Variants in ADPRHL1 observed in about 807,000 individuals in gnomAD.
The protein encoded by ADPRHL1 is ADP-ribosylhydrolase like 1.
Under a neutral mutation model 44.1 loss-of-function variants are expected in ADPRHL1, and 43 were observed. The observed-to-expected ratio is 0.98, with a 90% CI of 0.76 to 1.26. ADPRHL1 has a LOEUF of 1.26. Ranked by LOEUF, ADPRHL1 falls within the 50% of genes most tolerant of loss-of-function variation. ADPRHL1 has a pLI of 0.00. For missense variants in ADPRHL1, 2,022 were observed against 2,496.9 expected, an observed-to-expected ratio of 0.81 and a Z score of 4.05; for synonymous variants, 878 against 1,017.4, an observed-to-expected ratio of 0.86 and a Z score of 2.61.
intron 1 of ADPRHL1, among the ~76,000 whole-genome samples, chr13:113,452,194 C>T (rs1272834509): frequency 6.6e-6 from 1 of 152,188 alleles, no homozygotes; most frequent in Non-Finnish European, 1.5e-5. Flanking sequence ...TAAGGGCACA[C>T]GAGTGGCCGC....
At chr13:113,450,933 C>T (rs927234662) in intron 1 of ADPRHL1, among the ~76,000 whole-genome samples, 8 of 148,520 alleles carry the variant, frequency 5.4e-5, no homozygotes, top group African/African-American at 7.7e-5. Context: ...CTTCTCTAAA[C>T]TCCCCTGGGG....
At chr13:113,452,234 C>T (rs925116748) in intron 1 of ADPRHL1, among the ~76,000 whole-genome samples, 8 of 152,164 alleles carry the variant, frequency 5.3e-5, no homozygotes, top group African/African-American at 1.4e-4. Flanking sequence ...AGCTCCTGGA[C>T]GCCAAGGCTG....
intron 7 of ADPRHL1, among the ~76,000 whole-genome samples, chr13:113,420,406 G>A (rs776311159): frequency 1.3e-5 from 2 of 149,398 alleles, no homozygotes; most frequent in East Asian, 1.9e-4. Context: ...ATGCAGCCGC[G>A]CCCTGCTCAT....
intron 2 of ADPRHL1, among the ~76,000 whole-genome samples, chr13:113,434,847 G>A (rs375109039): frequency 6.4e-5 from 5 of 78,522 alleles, no homozygotes; most frequent in African/African-American, 1.1e-4. Context: ...CCCGGGACCC[G>A]GCACCCAGGT....
chr13:113,439,212 T>C (rs2044081037), intron 2 of ADPRHL1, among the ~76,000 whole-genome samples: 1 of 151,790 alleles, frequency 6.6e-6, no homozygotes, highest in Non-Finnish European at 1.5e-5. Context: ...AACCTCCGCC[T>C]CCCGGGTTCA....
chr13:113,433,623 T>C (rs887650954), intron 3 of ADPRHL1, 119 bp downstream of exon 3: 1 of 1,467,456 alleles, frequency 6.8e-7, no homozygotes, highest in South Asian at 1.3e-5. Context: ...TAAGCAGACG[T>C]GCAGATGGCG....
Position 113,441,805 on chromosome 13 carries a change from C to T in ADPRHL1, c.379+2620G>A, listed in dbSNP as rs1259381474. Among the ~76,000 whole-genome samples, 1 of 151,490 alleles carries T rather than the reference C, an allele frequency of 6.6e-6. No homozygotes were observed. The highest frequency in any genetic ancestry group is 1.5e-5 in the Non-Finnish European group (1 of 67,818). Reference sequence around the variant, plus strand: ...GGGTCTGTGTCTCTATCACGCTTTACTCCACCACACGGGTCCGTGTCTCTG... The same window carrying T: ...GGGTCTGTGTCTCTATCACGCTTTATTCCACCACACGGGTCCGTGTCTCTG... On this transcript the variant is annotated intron_variant, in intron 2 of 7. Coordinates refer to ENST00000612156, the MANE Select transcript of ADPRHL1 (RefSeq NM_001394807.1). This position sits in a 1 kb window ranked among gnomAD's most constrained non-coding sequence, Gnocchi z 6.0.
chr13:113,404,868 G>A lies in ADPRHL1; in HGVS notation c.4414C>T (p.Pro1472Ser). 8.0e-7 allele frequency: 1 copy of A among 1,247,276 alleles called. No individual in the cohort carries two copies. The highest frequency in any genetic ancestry group is 1.0e-6 in the Non-Finnish European group (1 of 998,192). 77.3% of individuals were successfully genotyped at this position (1,247,276 alleles called of 1,614,324 possible). ...CCCGGCCCCTCGGGCTCCCCTGGAG[G>A]CACAGCTGGGTTCCTGGCAGCCCTG... ...GTRAARNPAV[P>S]PGEPEGPGSP... Residue 1472 changes from proline (P) to serine (S), a missense_variant, in exon 8 of 8, where the codon CCT becomes TCT. Physicochemically the swap from Pro to Ser is moderately conservative, Grantham distance 74 (BLOSUM62 -1). Around this residue, in one of 8 missense-constraint regions of ADPRHL1, gnomAD observed 1,221 missense variants for 1,517.8 expected, o/e 0.80. Transcript: ENST00000612156.
At chr13:113,442,409 C>G (rs531544139) in intron 2 of ADPRHL1, among the ~76,000 whole-genome samples, 3 of 152,220 alleles carry the variant, frequency 2.0e-5, no homozygotes, top group African/African-American at 7.2e-5. Flanking sequence ...AAGTGGCACC[C>G]GTATCTGTGC....
rs1282698326 is a variant in ADPRHL1 at position 113,400,193 on chromosome 13, T to G, written c.*3185A>C. 1 of 147,814 alleles carries G rather than the reference T, an allele frequency of 6.8e-6. No individual in the cohort carries two copies. Among genetic ancestry groups the G allele is most frequent in the African/African-American group, 2.5e-5 (1 of 40,074 alleles). The allele number at this position is 147,814 out of a possible 1,614,324, so 9.2% of individuals were successfully genotyped here. A position where few individuals can be genotyped will look rare whatever the true frequency, so the allele number is the denominator to read the frequency against. On this transcript the variant is annotated 3_prime_UTR_variant, in exon 8 of 8. Transcript: ENST00000612156. ...CGGAGTCTCGCTCTGTCACCCAGGC[T>G]GGAGTGCAGTGGCGCAATCTCGGCT...
rs2044099318 is a variant in ADPRHL1 at position 113,441,644 on chromosome 13, G to A, written c.379+2781C>T. 6.6e-6 allele frequency among the ~76,000 whole-genome samples: 1 copy of A among 152,142 alleles called. No homozygotes were observed. Among genetic ancestry groups the A allele is most frequent in the Non-Finnish European group, 1.5e-5 (1 of 68,020 alleles). On this transcript the variant is annotated intron_variant, in intron 2 of 7. Coordinates refer to ENST00000612156, the MANE Select transcript of ADPRHL1 (RefSeq NM_001394807.1). This position sits in a 1 kb window ranked among gnomAD's most constrained non-coding sequence, Gnocchi z 6.0. ...TCTTTTAAAGATATTTAAATAACAT[G>A]TTTTAAAATCTTACACATTTCCCCA...
chr13:113,409,368 A>G lies in ADPRHL1; in HGVS notation c.1062-1148T>C, dbSNP rs1183444446. 1 of 985,254 alleles carries G rather than the reference A, an allele frequency of 1.0e-6. No individual in the cohort carries two copies. Among genetic ancestry groups the G allele is most frequent in the Non-Finnish European group, 1.2e-6 (1 of 829,938 alleles). The allele number at this position is 985,254 out of a possible 1,614,324, so 61.0% of individuals were successfully genotyped here. The stretch of plus-strand genomic sequence containing the variant: ...TAGCTGTCACACCTGTTAGTCATTC[A>G]TTCTAAGGAGATCATCAGGGATGAG... On this transcript the variant is annotated intron_variant, in intron 7 of 7. Transcript: ENST00000612156. The surrounding 1 kb of genome is among the most constrained non-coding windows in gnomAD (Gnocchi z 4.2).
At chr13:113,419,694 T>C (rs1254764041) in intron 7 of ADPRHL1, among the ~76,000 whole-genome samples, 1 of 152,140 alleles carries the variant, frequency 6.6e-6, no homozygotes, top group Admixed American at 6.6e-5. Context: ...ATTTGAATTA[T>C]GGCACAGGAG....
intron 1 of ADPRHL1, among the ~76,000 whole-genome samples, chr13:113,449,875 C>G (rs1168597867): frequency 6.6e-6 from 1 of 152,220 alleles, no homozygotes; most frequent in African/African-American, 2.4e-5. Context: ...GCACAGGGGC[C>G]AGATTCTCTG....
chr13:113,406,638 C>A lies in ADPRHL1; in HGVS notation c.2644G>T (p.Ala882Ser). The A allele has an allele frequency of 1.6e-6, 2 of 1,228,626 alleles. No homozygotes were observed. The highest frequency in any genetic ancestry group is 2.0e-6 in the Non-Finnish European group (2 of 987,380). The allele number at this position is 1,228,626 out of a possible 1,614,324, so 76.1% of individuals were successfully genotyped here. A position where few individuals can be genotyped will look rare whatever the true frequency, so the allele number is the denominator to read the frequency against. Reference sequence around the variant, plus strand: ...GTCACGGTGGGAAATTCTGTGTGGGCATTTTCAACCACATTCTCTCCTCCA... The same window carrying A: ...GTCACGGTGGGAAATTCTGTGTGGGAATTTTCAACCACATTCTCTCCTCCA... ...ICGGENVVENAHTEFPTVTEN... is the reference protein window; with the variant it reads ...ICGGENVVENSHTEFPTVTEN... Residue 882 changes from alanine (A) to serine (S), a missense_variant, in exon 8 of 8, where the codon GCC (alanine) becomes TCC (serine). Ala to Ser is a moderately conservative substitution (Grantham distance 99). This residue lies in a region of ADPRHL1 where 1,221 missense variants were observed against 1,517.8 expected (regional missense o/e 0.80). Coordinates refer to ENST00000612156, the MANE Select transcript of ADPRHL1 (RefSeq NM_001394807.1).
chr13:113,447,351 G>A (rs913280653), intron 1 of ADPRHL1, among the ~76,000 whole-genome samples: 10 of 150,842 alleles, frequency 6.6e-5, no homozygotes, highest in African/African-American at 1.5e-4. Flanking sequence ...CTACACTCAC[G>A]GTGTTGTGTG....
At chr13:113,415,017 C>T (rs924168020) in intron 7 of ADPRHL1, among the ~76,000 whole-genome samples, 2 of 152,140 alleles carry the variant, frequency 1.3e-5, no homozygotes, top group African/African-American at 4.8e-5. Context: ...GCCCATTTTC[C>T]CCTGAAGCCA....
At chr13:113,451,748 C>T in intron 1 of ADPRHL1, among the ~76,000 whole-genome samples, 1 of 152,156 alleles carries the variant, frequency 6.6e-6, no homozygotes, top group Non-Finnish European at 1.5e-5. Flanking sequence ...GTGGAGGTTG[C>T]AGTGAGCTGA....
In ADPRHL1 at chr13:113,407,913, T is replaced by C. The variant is rs2043821257; in HGVS notation, c.1369A>G (p.Lys457Glu). The stretch of plus-strand genomic sequence containing the variant: ...CCCCCACCCGGCCCCTGCTTGTCCT[T>C]GGAGATCAGCCGGCCCACCTCCCTG... ...RTREVGRLISKDKQGPGGGLV... is the reference protein window; with the variant it reads ...RTREVGRLISEDKQGPGGGLV... Residue 457 changes from lysine (K) to glutamate (E), a missense_variant, in exon 8 of 8, where the codon AAG (lysine) becomes GAG (glutamate). Around this residue, in one of 8 missense-constraint regions of ADPRHL1, gnomAD observed 1,221 missense variants for 1,517.8 expected, o/e 0.80. Transcript: ENST00000612156. The C allele has an allele frequency of 1.6e-6, 2 of 1,231,844 alleles. No homozygotes were observed. Among genetic ancestry groups the C allele is most frequent in the Admixed American group, 4.2e-5 (1 of 23,704 alleles). The allele number at this position is 1,231,844 out of a possible 1,614,324, so 76.3% of individuals were successfully genotyped here.
Sources: gnomAD v4.1 joint callset for allele counts (sites outside exome capture counted in the v4.1 genomes callset) on GRCh38, gnomAD v4.1.1 for gene constraint, gnomAD v4.1.1 regional missense constraint, Gnocchi (gnomAD v3.1) non-coding constraint, MANE v1.5 for transcripts, NCBI Gene and HGNC (gene_info 2026-07-23, HGNC 2026-07-21) for gene names.